SHROOM3: variants seen among roughly 807,000 people sequenced by gnomAD.
SHROOM3 encodes the protein shroom family member 3, also known as protein Shroom3.
Under a neutral mutation model 138.6 loss-of-function variants are expected in SHROOM3, and 47 were observed. That is an observed-to-expected ratio of 0.34 (90% CI 0.27 to 0.43). The LOEUF (loss-of-function observed/expected upper bound fraction) is 0.43, where lower values mean the gene tolerates loss of function less well. Ranked by LOEUF, SHROOM3 falls within the 20% of genes least tolerant of loss-of-function variation. The probability of loss-of-function intolerance (pLI) is 1.00; values close to 1 mark genes in which losing one functional copy is unlikely to be tolerated. For synonymous variants in SHROOM3, 1,062 were observed against 1,063.3 expected (o/e 1.00, Z 0.02); for missense variants, 2,491 against 2,596.5 (o/e 0.96, Z 0.88).
intron 2 of SHROOM3, among the ~76,000 whole-genome samples, chr4:76,568,114 T>C (rs1442965063): frequency 1.3e-5 from 2 of 152,210 alleles, no homozygotes; most frequent in Non-Finnish European, 2.9e-5. Context: ...GCAGGGATTT[T>C]GTTCGGTGTG....
rs183456665 is a variant in SHROOM3 at position 76,436,421 on chromosome 4, A to G, written c.168+201A>G. Among the ~76,000 whole-genome samples, 33 of 152,318 alleles carry G rather than the reference A, an allele frequency of 2.2e-4. No homozygotes were observed. In the East Asian group the frequency reaches 6.4e-3, roughly 29 times the overall value. On this transcript the variant is annotated intron_variant, in intron 1 of 10. Coordinates refer to ENST00000296043, the MANE Select transcript of SHROOM3 (RefSeq NM_020859.4). ...TAGCTCATTTATTCTATGAAATCCGAAGAAAAATATGCCTGTTTGATGGAT... is the reference window on the plus strand; with the variant it reads ...TAGCTCATTTATTCTATGAAATCCGGAGAAAAATATGCCTGTTTGATGGAT...
At chr4:76,507,769 C>T (rs1268682103) in intron 1 of SHROOM3, among the ~76,000 whole-genome samples, 1 of 152,058 alleles carries the variant, frequency 6.6e-6, no homozygotes, top group East Asian at 1.9e-4. Context: ...TGGTCTCGAT[C>T]TCCTGACCTC....
rs1560615893 is a variant in SHROOM3, at chr4:76,754,854, T to C, written c.4371T>C (p.Tyr1457=). The C allele has an allele frequency of 5.0e-6, 8 of 1,614,030 alleles. No individual in the cohort carries two copies. The highest frequency in any genetic ancestry group is 4.5e-5 in the East Asian group (2 of 44,864). The change falls in exon 7 of 11, where the codon TAT becomes TAC. Residue 1457 remains tyrosine (Y), a synonymous_variant. Transcript: ENST00000296043. The part of the protein sequence containing the change: ...SAPDFANLKH[Y]QKQQSLPSLC... ...CTGATTTTGCAAACCTGAAGCACTATCAAAAACAGCAGAGTCTTCCAAGTT... is the reference window on the plus strand; with the variant it reads ...CTGATTTTGCAAACCTGAAGCACTACCAAAAACAGCAGAGTCTTCCAAGTT...
At chr4:76,565,763 GC>G (rs1733708539) in intron 2 of SHROOM3, among the ~76,000 whole-genome samples, 1 of 152,154 alleles carries the variant, frequency 6.6e-6, no homozygotes, top group Non-Finnish European at 1.5e-5. Context: ...TCCAAGTCCA[GC>G]CTCAGAGAGT....
chr4:76,446,530 C>G (rs1446159036), intron 1 of SHROOM3, among the ~76,000 whole-genome samples: 1 of 152,080 alleles, frequency 6.6e-6, no homozygotes, highest in Non-Finnish European at 1.5e-5. Context: ...ACTCTGACCA[C>G]TCTGGTTGTT....
At chr4:76,633,474 G>A (rs962716023) in intron 2 of SHROOM3, among the ~76,000 whole-genome samples, 1 of 151,786 alleles carries the variant, frequency 6.6e-6, no homozygotes, top group Non-Finnish European at 1.5e-5. Context: ...GACTAACACG[G>A]TGAAAGCCCG....
chr4:76,676,902 C>T (rs1719048690), intron 2 of SHROOM3, among the ~76,000 whole-genome samples: 1 of 140,688 alleles, frequency 7.1e-6, no homozygotes, highest in Non-Finnish European at 1.5e-5. Flanking sequence ...GAGATGGCGC[C>T]ACTGCACTCC....
chr4:76,471,000 G>A (rs1432431672), intron 1 of SHROOM3, among the ~76,000 whole-genome samples: 1 of 152,140 alleles, frequency 6.6e-6, no homozygotes, highest in Non-Finnish European at 1.5e-5. Flanking sequence ...GGGGGTGTGT[G>A]TGTGTGAGAG....
intron 2 of SHROOM3, among the ~76,000 whole-genome samples, chr4:76,608,610 CATT>C (rs1734681204): frequency 1.1e-5 from 1 of 91,482 alleles, no homozygotes; most frequent in East Asian, 3.3e-4. Flanking sequence ...CATAGCATAG[CATT>C]GGACAGAGAT....
At chr4:76,470,252 A>C (rs1430693601) in intron 1 of SHROOM3, among the ~76,000 whole-genome samples, 1 of 152,216 alleles carries the variant, frequency 6.6e-6, no homozygotes, top group Non-Finnish European at 1.5e-5. Context: ...TGTGAGAATC[A>C]AGTGAGTTTT....
intron 9 of SHROOM3, among the ~76,000 whole-genome samples, chr4:76,762,980 A>G (rs535578768): frequency 1.7e-4 from 26 of 152,304 alleles, no homozygotes; most frequent in Non-Finnish European, 3.2e-4. Flanking sequence ...AAGGAAAAGC[A>G]TAAGGAGAAA....
chr4:76,525,243 C>G (rs1412258970), intron 1 of SHROOM3, among the ~76,000 whole-genome samples: 1 of 152,146 alleles, frequency 6.6e-6, no homozygotes, highest in Non-Finnish European at 1.5e-5. Flanking sequence ...AAAGGAGAAG[C>G]AGGCACCTTC....
At chr4:76,443,916 T>C (rs1730749966) in intron 1 of SHROOM3, among the ~76,000 whole-genome samples, 2 of 152,182 alleles carry the variant, frequency 1.3e-5, no homozygotes, top group South Asian at 4.1e-4. Context: ...ATTTTTTTCT[T>C]GGAGATTTAT....
intron 2 of SHROOM3, among the ~76,000 whole-genome samples, chr4:76,608,585 C>CATTGGACAGAGATGGT (rs1560563174): frequency 3.1e-4 from 31 of 100,692 alleles, no homozygotes; most frequent in African/African-American, 1.0e-3. Context: ...CATAGCATAG[C>CATTGGACAGAGATGGT]ATAGCATAGC....
At chr4:76,570,815 C>T (rs865968201) in intron 2 of SHROOM3, among the ~76,000 whole-genome samples, 2 of 152,214 alleles carry the variant, frequency 1.3e-5, no homozygotes, top group African/African-American at 2.4e-5. Context: ...CGTCCCAGTC[C>T]CTAAGTGTGC....
chr4:76,733,660 GT>G (rs1720948484), intron 4 of SHROOM3, among the ~76,000 whole-genome samples: 1 of 152,140 alleles, frequency 6.6e-6, no homozygotes, highest in African/African-American at 2.4e-5. Context: ...GAGGAGCACA[GT>G]GGCATCTAGT....
intron 1 of SHROOM3, among the ~76,000 whole-genome samples, chr4:76,439,718 T>A (rs1730630708): frequency 6.6e-6 from 1 of 152,184 alleles, no homozygotes; most frequent in African/African-American, 2.4e-5. Context: ...ACAAACACAT[T>A]ATACAAGGCA....
At chr4:76,591,317 G>A (rs1006883459) in intron 2 of SHROOM3, among the ~76,000 whole-genome samples, 2 of 152,166 alleles carry the variant, frequency 1.3e-5, no homozygotes, top group African/African-American at 4.8e-5. Flanking sequence ...AAGGAACTTG[G>A]GAAAAGATCC....
chr4:76,710,040 G>T, intron 2 of SHROOM3, 116 bp from the exon 3 acceptor site: 1 of 1,395,634 alleles, frequency 7.2e-7, no homozygotes, highest in South Asian at 1.2e-5. Context: ...TAGCTGTGCT[G>T]CTTTGCTCTG....
Sources: allele counts gnomAD v4.1 joint callset (sites outside exome capture counted in the v4.1 genomes callset), GRCh38; gene constraint gnomAD v4.1.1; transcripts MANE v1.5; gene names NCBI Gene and HGNC (gene_info 2026-07-23, HGNC 2026-07-21).